The following SATL1 variants were observed in gnomAD, a reference collection of about 807,000 sequenced individuals.
The protein encoded by SATL1 is spermidine/spermine N1-acetyl transferase like 1.
Under a neutral mutation model 51.8 loss-of-function variants are expected in SATL1, and 47 were observed. The ratio of observed to expected loss-of-function variants is 0.91; its 90% CI spans 0.72 to 1.16. The LOEUF is 1.16. Among genes scored for constraint, SATL1 ranks in the 50% most tolerant of loss-of-function variants. The probability of loss-of-function intolerance (pLI) is 0.00; values close to 1 mark genes in which losing one functional copy is unlikely to be tolerated. For synonymous variants in SATL1, 176 were observed against 182.4 expected (o/e 0.97, Z 0.28); for missense variants, 520 against 526.4 (o/e 0.99, Z 0.12).
intron 2 of SATL1, among the ~76,000 whole-genome samples, chrX:85,130,813 T>C (rs1925773885): frequency 8.9e-6 from 1 of 112,252 alleles, no homozygotes; most frequent in South Asian, 3.7e-4. Context: ...TACACACTGC[T>C]TTAAATGTGT....
intron 2 of SATL1, among the ~76,000 whole-genome samples, chrX:85,115,250 C>T (rs972828798): frequency 8.9e-6 from 1 of 112,377 alleles, no homozygotes; most frequent in Non-Finnish European, 1.9e-5. Context: ...AGGATTTCTC[C>T]TCCTCCCAAA....
chrX:85,170,609 C>G (rs985006973), intron 2 of SATL1, among the ~76,000 whole-genome samples: 1 of 111,539 alleles, frequency 9.0e-6, no homozygotes, highest in African/African-American at 3.2e-5. Flanking sequence ...GGTTTGTATA[C>G]AGCCATGTTT....
chrX:85,167,252 G>GT (rs1491126691), intron 2 of SATL1, among the ~76,000 whole-genome samples: 1 of 68,541 alleles, frequency 1.5e-5, no homozygotes, highest in Non-Finnish European at 2.9e-5. Flanking sequence ...TCAGAGAGAT[G>GT]GGGGGGGGGT....
At chrX:85,219,699 T>C (rs1291891578) in intron 2 of SATL1, 2 of 111,671 alleles carry the variant, frequency 1.8e-5, no homozygotes, top group Non-Finnish European at 3.8e-5. Flanking sequence ...AATTGCTAAA[T>C]GATTTCTGTA....
intron 4 of SATL1, among the ~76,000 whole-genome samples, chrX:85,098,791 A>G (rs1924809527): frequency 8.9e-6 from 1 of 111,868 alleles, no homozygotes. Flanking sequence ...ACAAAAGCTT[A>G]CAAGATGAAG....
chrX:85,217,410 G>T (rs1444404079), intron 2 of SATL1, among the ~76,000 whole-genome samples: 1 of 111,023 alleles, frequency 9.0e-6, no homozygotes, highest in Non-Finnish European at 1.9e-5. Context: ...AAGAAGTAGG[G>T]GCAGGATTGG....
chrX:85,183,942 C>T (rs1389179309), intron 2 of SATL1, among the ~76,000 whole-genome samples: 1 of 111,342 alleles, frequency 9.0e-6, no homozygotes, highest in African/African-American at 3.3e-5. Flanking sequence ...CCCCACCCCA[C>T]TACCTTTCCC....
At chrX:85,178,813 A>C (rs1219541446) in intron 2 of SATL1, among the ~76,000 whole-genome samples, 2 of 111,517 alleles carry the variant, frequency 1.8e-5, no homozygotes, top group Non-Finnish European at 3.8e-5. Flanking sequence ...TTATTGGTCT[A>C]TAGTTCTCAT....
intron 2 of SATL1, among the ~76,000 whole-genome samples, chrX:85,173,826 G>A (rs1927027860): frequency 1.8e-5 from 2 of 108,876 alleles, no homozygotes; most frequent in African/African-American, 3.3e-5. Flanking sequence ...GCAACGTGCA[G>A]GTTTGTTACA....
intron 2 of SATL1, among the ~76,000 whole-genome samples, chrX:85,115,096 G>A (rs1163233090): frequency 8.9e-6 from 1 of 111,756 alleles, no homozygotes; most frequent in Non-Finnish European, 1.9e-5. Context: ...GAAGTGAGAG[G>A]AATATTCATG....
intron 2 of SATL1, among the ~76,000 whole-genome samples, chrX:85,195,359 A>G (rs1569245227): frequency 9.0e-6 from 1 of 111,335 alleles, no homozygotes; most frequent in African/African-American, 3.3e-5. Flanking sequence ...AACTGGAAGT[A>G]GTGTAGTCCA....
intron 2 of SATL1, among the ~76,000 whole-genome samples, chrX:85,203,076 G>A (rs1264994472): frequency 1.8e-5 from 2 of 111,350 alleles, no homozygotes; most frequent in African/African-American, 6.5e-5. Flanking sequence ...TAGGGCTGCT[G>A]CGGTATGCTT....
At chrX:85,231,559 T>C (rs1316481500) in intron 1 of SATL1, among the ~76,000 whole-genome samples, 1 of 112,439 alleles carries the variant, frequency 8.9e-6, no homozygotes, top group Non-Finnish European at 1.9e-5. Flanking sequence ...CAGTCTTCAA[T>C]TCCCAATGCC....
chrX:85,124,295 G>A (rs952113627), intron 2 of SATL1, among the ~76,000 whole-genome samples: 2 of 111,782 alleles, frequency 1.8e-5, no homozygotes, highest in Non-Finnish European at 3.8e-5. Context: ...CTATGGAGTA[G>A]AGTGAAGAGC....
At chrX:85,153,149 T>C (rs959888114) in intron 2 of SATL1, among the ~76,000 whole-genome samples, 15 of 110,759 alleles carry the variant, frequency 1.4e-4, no homozygotes, top group Admixed American at 8.7e-4. Context: ...TTCTATAAAA[T>C]ATAGGAGGAA....
At position 85,155,198 on chromosome X, in the gene SATL1, A is replaced by G. The variant is rs779005831; in HGVS notation, c.-312-45918T>C. Among the ~76,000 whole-genome samples the G allele has an allele frequency of 9.0e-4, 101 of 111,762 alleles. 1 individual carries two copies. Among genetic ancestry groups the G allele is most frequent in the African/African-American group, 3.2e-3 (98 of 30,862 alleles). On this transcript the variant is annotated intron_variant, in intron 2 of 7. Transcript: ENST00000644105. Reference sequence around the variant, plus strand: ...TTAAAAATTTAAATTACTGTGGAGAATTCCATATCACCATTTGACAGAGGT... The same window carrying G: ...TTAAAAATTTAAATTACTGTGGAGAGTTCCATATCACCATTTGACAGAGGT...
At chrX:85,143,631 A>T (rs764741338) in intron 2 of SATL1, 1 of 111,886 alleles carries the variant, frequency 8.9e-6, no homozygotes, top group Non-Finnish European at 1.9e-5. Context: ...TTACAAGCAA[A>T]GGTTCTGTTG....
intron 2 of SATL1, among the ~76,000 whole-genome samples, chrX:85,113,169 G>A (rs1925299156): frequency 9.0e-6 from 1 of 110,721 alleles, no homozygotes; most frequent in Non-Finnish European, 1.9e-5. Flanking sequence ...CTGATGGGTA[G>A]TCTAGGGTTT....
At chrX:85,155,914 T>C (rs995849404) in intron 2 of SATL1, among the ~76,000 whole-genome samples, 2 of 111,761 alleles carry the variant, frequency 1.8e-5, no homozygotes, top group South Asian at 3.7e-4. Flanking sequence ...AATATACTGA[T>C]GTCTGCAATT....
Sources: allele counts gnomAD v4.1 joint callset (sites outside exome capture counted in the v4.1 genomes callset), GRCh38; gene constraint gnomAD v4.1.1; transcripts MANE v1.5; gene names NCBI Gene and HGNC (gene_info 2026-07-23, HGNC 2026-07-21).